Variants in THSD7B observed in about 807,000 individuals in gnomAD.
The protein encoded by THSD7B is thrombospondin type-1 domain-containing protein 7B.
THSD7B carries 138 observed loss-of-function variants against 213.6 expected under a neutral mutation model. The ratio of observed to expected loss-of-function variants is 0.65; its 90% CI spans 0.56 to 0.74. THSD7B has a LOEUF of 0.74. Among genes scored for constraint, THSD7B ranks in the 30% least tolerant of loss-of-function variants. THSD7B has a pLI of 0.00. For synonymous variants in THSD7B, 742 were observed against 687.0 expected (o/e 1.08, Z -1.25); for missense variants, 1,931 against 1,991.5 (o/e 0.97, Z 0.58).
intron 12 of THSD7B, among the ~76,000 whole-genome samples, chr2:137,289,539 G>A (rs1683273760): frequency 6.6e-6 from 1 of 152,004 alleles, no homozygotes. Context: ...TCAAATGTTT[G>A]TAAAATAATT....
intron 1 of THSD7B, among the ~76,000 whole-genome samples, chr2:136,863,356 A>C (rs987430056): frequency 6.6e-6 from 1 of 152,196 alleles, no homozygotes; most frequent in Non-Finnish European, 1.5e-5. Context: ...ACAGTGCTGG[A>C]GGAGGAGCAG....
At chr2:136,945,807 GT>G (rs1450290998) in intron 2 of THSD7B, among the ~76,000 whole-genome samples, 1 of 152,186 alleles carries the variant, frequency 6.6e-6, no homozygotes, top group Non-Finnish European at 1.5e-5. Flanking sequence ...TCACGCCATG[GT>G]TTTCAGCTCC....
In THSD7B at chr2:137,107,120, A is replaced by G. The variant is rs190346845; in HGVS notation, c.1200-8004A>G. ...TGTTTATTGCAGCACATTCACAATA[A>G]CAAAGGCTTGGAACCAACCCAAATG... On this transcript the variant is annotated intron_variant, in intron 4 of 27. Transcript: ENST00000409968. 2.6e-5 allele frequency among the ~76,000 whole-genome samples: 4 copies of G among 152,320 alleles called. No homozygotes were observed. In the East Asian group the frequency reaches 7.7e-4, roughly 29 times the overall value.
At chr2:137,139,602 A>C (rs1679541313) in intron 5 of THSD7B, among the ~76,000 whole-genome samples, 1 of 152,106 alleles carries the variant, frequency 6.6e-6, no homozygotes, top group South Asian at 2.1e-4. Context: ...TGAAATCTTA[A>C]ACTCTCCACA....
chr2:137,531,595 T>C (rs1386898175), intron 15 of THSD7B, among the ~76,000 whole-genome samples: 1 of 151,934 alleles, frequency 6.6e-6, no homozygotes, highest in Non-Finnish European at 1.5e-5. Flanking sequence ...TACCTAATAA[T>C]TGGGGTAATT....
chr2:136,793,599 C>G (rs924641914), intron 1 of THSD7B, among the ~76,000 whole-genome samples: 55 of 152,032 alleles, frequency 3.6e-4, no homozygotes, highest in African/African-American at 1.3e-3. Flanking sequence ...GTTGTTAAAC[C>G]TATCTTGCAT....
intron 6 of THSD7B, among the ~76,000 whole-genome samples, chr2:137,169,998 C>T (rs985346540): frequency 2.6e-5 from 4 of 152,128 alleles, no homozygotes; most frequent in African/African-American, 4.8e-5. Flanking sequence ...AACCCAAACA[C>T]TCGCTGCAGT....
chr2:137,545,066 A>G (rs1680682685), intron 15 of THSD7B, among the ~76,000 whole-genome samples: 1 of 151,712 alleles, frequency 6.6e-6, no homozygotes, highest in African/African-American at 2.4e-5. Context: ...TGAGGGTGCA[A>G]TGTTAGTAAG....
intron 2 of THSD7B, among the ~76,000 whole-genome samples, chr2:136,933,136 C>G (rs1455938988): frequency 3.5e-5 from 2 of 57,724 alleles, no homozygotes; most frequent in Non-Finnish European, 1.4e-4. Flanking sequence ...TCCTTCCTTC[C>G]TTCCTTCCTT....
intron 12 of THSD7B, among the ~76,000 whole-genome samples, chr2:137,394,748 T>C (rs1331459416): frequency 5.1e-5 from 7 of 137,502 alleles, no homozygotes; most frequent in Admixed American, 1.4e-4. Context: ...TAAATTACCT[T>C]GGGCAGTATG....
chr2:136,960,238 G>A (rs925745647), intron 2 of THSD7B, among the ~76,000 whole-genome samples: 25 of 151,952 alleles, frequency 1.6e-4, no homozygotes, highest in African/African-American at 4.6e-4. Flanking sequence ...AGTGATCCCC[G>A]CACCACAACC....
At chr2:137,415,780 T>C (rs1288522688) in intron 14 of THSD7B, among the ~76,000 whole-genome samples, 1 of 150,848 alleles carries the variant, frequency 6.6e-6, no homozygotes. Flanking sequence ...TTCATTCAGG[T>C]CTCTGCTGAA....
chr2:137,418,435 T>C (rs911257395), intron 14 of THSD7B, among the ~76,000 whole-genome samples: 5 of 152,202 alleles, frequency 3.3e-5, no homozygotes, highest in African/African-American at 1.2e-4. Context: ...TTTTTAATCA[T>C]TATAAAAGAT....
intron 27 of THSD7B, among the ~76,000 whole-genome samples, chr2:137,673,188 C>A (rs113967614): frequency 5.3e-5 from 8 of 152,344 alleles, no homozygotes; most frequent in African/African-American, 1.9e-4. Context: ...GCTTGTCAGT[C>A]CACAATGAGC....
At chr2:137,578,740 G>C (rs1308692635) in intron 17 of THSD7B, among the ~76,000 whole-genome samples, 2 of 152,122 alleles carry the variant, frequency 1.3e-5, no homozygotes, top group African/African-American at 4.8e-5. Flanking sequence ...GGAAATGATA[G>C]GGACCTAGGT....
chr2:137,360,556 G>T (rs892196964), intron 12 of THSD7B, among the ~76,000 whole-genome samples: 3 of 152,184 alleles, frequency 2.0e-5, no homozygotes. Flanking sequence ...CACACCAGGA[G>T]ATTATATCCC....
intron 2 of THSD7B, among the ~76,000 whole-genome samples, chr2:136,988,754 A>G (rs1573751912): frequency 6.6e-6 from 1 of 152,240 alleles, no homozygotes; most frequent in East Asian, 1.9e-4. Context: ...ACTCCTGCTT[A>G]ACCAAAAAAT....
intron 4 of THSD7B, among the ~76,000 whole-genome samples, chr2:137,114,588 T>C (rs1208586667): frequency 6.6e-6 from 1 of 152,236 alleles, no homozygotes; most frequent in African/African-American, 2.4e-5. Context: ...TTAATACATA[T>C]ACTTTTATGT....
intron 7 of THSD7B, among the ~76,000 whole-genome samples, chr2:137,201,887 C>G (rs1323600250): frequency 6.6e-6 from 1 of 152,156 alleles, no homozygotes; most frequent in Non-Finnish European, 1.5e-5. Flanking sequence ...GAGCCCTTTT[C>G]AAATCTTTAT....
Sources: allele counts gnomAD v4.1 joint callset (sites outside exome capture counted in the v4.1 genomes callset), GRCh38; gene constraint gnomAD v4.1.1; transcripts MANE v1.5; gene names NCBI Gene and HGNC (gene_info 2026-07-23, HGNC 2026-07-21).